PDE1C: variants seen among roughly 807,000 people sequenced by gnomAD.
The protein encoded by PDE1C is dual specificity calcium/calmodulin-dependent 3',5'-cyclic nucleotide phosphodiesterase 1C.
PDE1C carries 62 observed loss-of-function variants against 93.1 expected under a neutral mutation model. The observed-to-expected ratio is 0.67, with a 90% CI of 0.54 to 0.82. PDE1C has a LOEUF of 0.82. Among genes scored for constraint, PDE1C ranks in the 40% least tolerant of loss-of-function variants. The pLI is 0.00. For missense variants in PDE1C, 742 were observed against 884.6 expected, an observed-to-expected ratio of 0.84 and a Z score of 2.04; for synonymous variants, 325 against 310.1, an observed-to-expected ratio of 1.05 and a Z score of -0.50.
chr7:32,240,220 G>T (rs1191745985), intron 1 of PDE1C, among the ~76,000 whole-genome samples: 1 of 152,160 alleles, frequency 6.6e-6, no homozygotes, highest in Non-Finnish European at 1.5e-5. Context: ...GTACTTTGTG[G>T]ATATAAAATA....
chr7:31,772,005 CA>C (rs1190366406), intron 17 of PDE1C, among the ~76,000 whole-genome samples: 2 of 147,462 alleles, frequency 1.4e-5, no homozygotes, highest in Non-Finnish European at 3.0e-5. Flanking sequence ...GAGATAGCGC[CA>C]CTGCACTCCA....
chr7:31,997,641 T>C (rs1169646069), intron 2 of PDE1C, among the ~76,000 whole-genome samples: 1 of 152,152 alleles, frequency 6.6e-6, no homozygotes, highest in African/African-American at 2.4e-5. Context: ...ACCTAAAAGG[T>C]AGATGCTGTC....
chr7:32,207,191 C>T (rs1046413186), intron 2 of PDE1C, among the ~76,000 whole-genome samples: 2 of 152,130 alleles, frequency 1.3e-5, no homozygotes, highest in African/African-American at 4.8e-5. Flanking sequence ...ACTCCCAGAT[C>T]TCTGCTGACC....
intron 16 of PDE1C, chr7:31,784,835 C>G (rs1480313680): frequency 6.6e-6 from 1 of 152,102 alleles, no homozygotes; most frequent in Non-Finnish European, 1.5e-5. Flanking sequence ...TATAGTTCTA[C>G]CTCTAGAATC....
intron 1 of PDE1C, among the ~76,000 whole-genome samples, chr7:32,256,913 A>T (rs2128878444): frequency 6.6e-6 from 1 of 152,288 alleles, no homozygotes; most frequent in African/African-American, 2.4e-5. Context: ...TTTTGTCTCT[A>T]CCTTCTTTGA....
chr7:31,721,831 G>C, the PDE1C span, among the ~76,000 whole-genome samples: 1 of 152,150 alleles, frequency 6.6e-6, no homozygotes, highest in Non-Finnish European at 1.5e-5. Flanking sequence ...GAACCTAAAG[G>C]GGCTGGAAGG....
At chr7:32,203,343 G>A (rs1020732933) in intron 2 of PDE1C, among the ~76,000 whole-genome samples, 21 of 151,918 alleles carry the variant, frequency 1.4e-4, no homozygotes, top group East Asian at 3.9e-4. Flanking sequence ...GCACTGTCTC[G>A]GACATGATTT....
chr7:31,739,465 T>C, the PDE1C span, among the ~76,000 whole-genome samples: 3 of 152,180 alleles, frequency 2.0e-5, no homozygotes, highest in African/African-American at 2.4e-5. Context: ...TAATCATTCA[T>C]TGAGCACTGA....
chr7:32,226,968 A>C (rs2128858971), intron 1 of PDE1C, among the ~76,000 whole-genome samples: 1 of 152,260 alleles, frequency 6.6e-6, no homozygotes, highest in South Asian at 2.1e-4. Flanking sequence ...ACAGGTGGGC[A>C]GCATATTTAC....
chr7:31,934,643 T>C (rs1322369994), intron 2 of PDE1C, among the ~76,000 whole-genome samples: 1 of 152,126 alleles, frequency 6.6e-6, no homozygotes, highest in East Asian at 1.9e-4. Flanking sequence ...TCTTGCCTCA[T>C]AATCTAAAAT....
chr7:32,399,031 T>A (rs908917150), intron 1 of PDE1C, among the ~76,000 whole-genome samples: 3 of 152,334 alleles, frequency 2.0e-5, no homozygotes, highest in East Asian at 1.9e-4. Flanking sequence ...GGGCCCTGAT[T>A]TGTGGTGTTT....
At chr7:32,341,696 T>G (rs988563205) in intron 1 of PDE1C, among the ~76,000 whole-genome samples, 1 of 152,072 alleles carries the variant, frequency 6.6e-6, no homozygotes, top group Admixed American at 6.6e-5. Context: ...GCCCAGTACT[T>G]TTTCCATATA....
intron 2 of PDE1C, among the ~76,000 whole-genome samples, chr7:32,032,608 C>T (rs1386779179): frequency 1.3e-5 from 2 of 152,142 alleles, no homozygotes; most frequent in South Asian, 4.1e-4. Context: ...AAGAAGGAAT[C>T]GTGATTCCTG....
intron 9 of PDE1C, among the ~76,000 whole-genome samples, chr7:31,838,998 AATAT>A (rs1791472136): frequency 1.3e-5 from 2 of 148,468 alleles, no homozygotes; most frequent in South Asian, 4.2e-4. Flanking sequence ...TCAAATATTT[AATAT>A]ATATTATAGA....
At chr7:31,643,791 CT>C in the PDE1C span, 1 of 1,613,998 alleles carries the variant, frequency 6.2e-7, no homozygotes, top group Non-Finnish European at 8.5e-7. Flanking sequence ...ACTGCTGCAT[CT>C]GCTGTCATCA....
chr7:31,643,800 T>C, the PDE1C span: 1 of 1,613,982 alleles, frequency 6.2e-7, no homozygotes, highest in African/African-American at 1.3e-5. Context: ...TCTGCTGTCA[T>C]CACCACCCTC....
intron 2 of PDE1C, among the ~76,000 whole-genome samples, chr7:31,998,741 C>A (rs1785084282): frequency 1.3e-5 from 2 of 152,308 alleles, no homozygotes; most frequent in Admixed American, 1.3e-4. Context: ...ACTAAAAGTT[C>A]TTTAGCTAAA....
intron 2 of PDE1C, among the ~76,000 whole-genome samples, chr7:32,191,326 T>G (rs1430780799): frequency 7.1e-6 from 1 of 140,436 alleles, no homozygotes; most frequent in East Asian, 2.1e-4. Context: ...TTTACAAAGA[T>G]TTCCATCACC....
At chr7:32,327,624 G>A (rs377425910) in intron 1 of PDE1C, among the ~76,000 whole-genome samples, 1 of 152,040 alleles carries the variant, frequency 6.6e-6, no homozygotes, top group Non-Finnish European at 1.5e-5. Flanking sequence ...AAAATTAGCC[G>A]GGCATGGTGG....
Sources: allele counts gnomAD v4.1 joint callset (sites outside exome capture counted in the v4.1 genomes callset), GRCh38; gene constraint gnomAD v4.1.1; transcripts MANE v1.5; gene names NCBI Gene and HGNC (gene_info 2026-07-23, HGNC 2026-07-21).